The following DDX60L variants were observed in gnomAD, a reference collection of about 807,000 sequenced individuals.
The protein encoded by DDX60L is probable ATP-dependent RNA helicase DDX60-like.
A neutral mutation model predicts 211.6 loss-of-function variants in DDX60L; 191 were observed. The ratio of observed to expected loss-of-function variants is 0.90; its 90% CI spans 0.80 to 1.02. DDX60L has a LOEUF of 1.02. Ranked by LOEUF, DDX60L falls within the 50% of genes least tolerant of loss-of-function variation. The probability of loss-of-function intolerance (pLI) is 0.00; values close to 1 mark genes in which losing one functional copy is unlikely to be tolerated. For missense variants in DDX60L, 2,007 were observed against 1,984.1 expected, an observed-to-expected ratio of 1.01 and a Z score of -0.22; for synonymous variants, 706 against 694.1, an observed-to-expected ratio of 1.02 and a Z score of -0.27.
intron 4 of DDX60L, among the ~76,000 whole-genome samples, chr4:168,467,972 G>A (rs1579857646): frequency 6.6e-6 from 1 of 152,204 alleles, no homozygotes; most frequent in Middle Eastern, 3.4e-3. Flanking sequence ...TTCAAGACCA[G>A]CCTGACCAAC....
intron 36 of DDX60L, among the ~76,000 whole-genome samples, chr4:168,364,271 C>T (rs1453739391): frequency 6.6e-6 from 1 of 152,064 alleles, no homozygotes; most frequent in Non-Finnish European, 1.5e-5. Context: ...ATACTTATAT[C>T]AGATAAAATG....
intron 16 of DDX60L, among the ~76,000 whole-genome samples, chr4:168,422,282 A>C (rs1750754902): frequency 6.6e-6 from 1 of 152,248 alleles, no homozygotes; most frequent in East Asian, 1.9e-4. Flanking sequence ...GTAATGCCAC[A>C]TTAGCATGCC....
At chr4:168,409,726 A>T (rs893864695) in intron 22 of DDX60L, among the ~76,000 whole-genome samples, 1 of 152,190 alleles carries the variant, frequency 6.6e-6, no homozygotes, top group Non-Finnish European at 1.5e-5. Context: ...TTTCCATTTA[A>T]TTCCTTACTC....
intron 4 of DDX60L, among the ~76,000 whole-genome samples, chr4:168,468,301 A>G (rs1758293766): frequency 6.6e-6 from 1 of 152,196 alleles, no homozygotes; most frequent in Non-Finnish European, 1.5e-5. Context: ...TATCATGACC[A>G]ACTAAGGTTT....
chr4:168,393,583 A>G (rs1745236597), intron 28 of DDX60L, among the ~76,000 whole-genome samples: 1 of 152,190 alleles, frequency 6.6e-6, no homozygotes, highest in South Asian at 2.1e-4. Flanking sequence ...CCACCTAGAA[A>G]TAGAATATTG....
intron 4 of DDX60L, among the ~76,000 whole-genome samples, chr4:168,465,701 T>G (rs942512606): frequency 2.6e-5 from 4 of 152,184 alleles, no homozygotes; most frequent in Admixed American, 2.0e-4. Flanking sequence ...CAGTTTCATT[T>G]TCCTGCATAT....
intron 36 of DDX60L, among the ~76,000 whole-genome samples, chr4:168,365,311 A>T (rs1184874370): frequency 6.6e-6 from 1 of 152,046 alleles, no homozygotes; most frequent in Non-Finnish European, 1.5e-5. Context: ...GACTAAAATA[A>T]ATAAAATTAG....
Position 168,448,859 on chromosome 4 carries a change from G to A in DDX60L, c.997-80C>T, listed in dbSNP as rs1032234989. ...TCCTGGTTAACCCCCTATAAGGTAG[G>A]TCACAAGGGACATTTCTGGGTGGAA... On this transcript the variant is annotated intron_variant, in intron 8 of 37. Coordinates refer to ENST00000682922, the MANE Select transcript of DDX60L (RefSeq NM_001012967.3). The A allele has an allele frequency of 5.8e-5, 75 of 1,289,866 alleles. No homozygotes were observed. In the Middle Eastern group the frequency reaches 1.2e-3, roughly 20 times the overall value. 79.9% of individuals were successfully genotyped at this position (1,289,866 alleles called of 1,614,324 possible).
At chr4:168,396,464 T>C (rs4565044) in intron 26 of DDX60L, among the ~76,000 whole-genome samples, 34,442 of 151,742 alleles carry the variant, frequency 0.23, 4,052 homozygotes, top group Middle Eastern at 0.33. Context: ...GGGGGCGGGG[T>C]GTGTGGCACA....
At chr4:168,392,953 T>G (rs1745108245) in intron 28 of DDX60L, among the ~76,000 whole-genome samples, 1 of 152,110 alleles carries the variant, frequency 6.6e-6, no homozygotes, top group African/African-American at 2.4e-5. Context: ...ATTTACTCAC[T>G]CATTAACTTT....
At chr4:168,413,874 A>G (rs962519223) in intron 22 of DDX60L, among the ~76,000 whole-genome samples, 4 of 152,156 alleles carry the variant, frequency 2.6e-5, no homozygotes, top group South Asian at 4.1e-4. Flanking sequence ...CAATACTCAT[A>G]TACAAGAAGA....
At chr4:168,416,290 T>C (rs955072094) in intron 20 of DDX60L, among the ~76,000 whole-genome samples, 22 of 152,358 alleles carry the variant, frequency 1.4e-4, no homozygotes, top group African/African-American at 5.3e-4. Context: ...CAATTCTCTC[T>C]CTTACTTCAG....
Position 168,433,165 on chromosome 4 carries a change from T to C in DDX60L, c.1295-50A>G, listed in dbSNP as rs772654016. 4.1e-6 allele frequency: 5 copies of C among 1,220,338 alleles called. No individual in the cohort carries two copies. In the South Asian group the frequency reaches 4.4e-5, roughly 11 times the overall value. 75.6% of individuals were successfully genotyped at this position (1,220,338 alleles called of 1,614,324 possible). On this transcript the variant is annotated intron_variant, in intron 10 of 37. Coordinates refer to ENST00000682922, the MANE Select transcript of DDX60L (RefSeq NM_001012967.3). The stretch of plus-strand genomic sequence containing the variant: ...TGAGAGGAAAGGTGTAACTATCCTA[T>C]ATGAATTTTGAACATTATTTTTAAA...
chr4:168,427,055 T>C lies in DDX60L; in HGVS notation c.1930+15A>G. The C allele has an allele frequency of 6.3e-7, 1 of 1,592,366 alleles. No individual in the cohort carries two copies. Among genetic ancestry groups the C allele is most frequent in the Non-Finnish European group, 8.6e-7 (1 of 1,167,530 alleles). ...TCATCACTACTCTTTATCCATAGAG[T>C]ATGGAGTCCCATACCTTCACCTCGG... On this transcript the variant is annotated intron_variant, in intron 14 of 37. Coordinates refer to ENST00000682922, the MANE Select transcript of DDX60L (RefSeq NM_001012967.3).
intron 14 of DDX60L, among the ~76,000 whole-genome samples, chr4:168,425,303 C>G (rs1306189780): frequency 6.6e-6 from 1 of 152,212 alleles, no homozygotes. Flanking sequence ...TAGTCTCTGA[C>G]AGCCCACTGA....
rs184095589 is a variant in DDX60L at position 168,407,640 on chromosome 4, A to T, written c.2980-934T>A. ...AGGGACAGGATATCACACTTCTCCC[A>T]AATATACTTGAGGAAGGAACCCTTC... On this transcript the variant is annotated intron_variant, in intron 22 of 37. Coordinates refer to ENST00000682922, the MANE Select transcript of DDX60L (RefSeq NM_001012967.3). Among the ~76,000 whole-genome samples, 481 of 152,310 alleles carry T rather than the reference A, an allele frequency of 3.2e-3. 2 individuals are homozygous for T. Among genetic ancestry groups the T allele is most frequent in the Admixed American group, 5.0e-3 (76 of 15,300 alleles).
In DDX60L at chr4:168,422,675, T is replaced by C. The variant is rs1225138652; in HGVS notation, c.2098-5A>G. The C allele has an allele frequency of 1.3e-6, 2 of 1,537,992 alleles. No homozygotes were observed. The highest frequency in any genetic ancestry group is 1.8e-6 in the Non-Finnish European group (2 of 1,137,500). ...CTTATTTTTGTCATCTCCTATCTGT[T>C]ATTTTAATATATTATTTGAAATCAA... On this transcript the variant is annotated splice_polypyrimidine_tract_variant and splice_region_variant and intron_variant, in intron 15 of 37. Transcript: ENST00000682922.
chr4:168,384,898 T>C, intron 29 of DDX60L, 86 bp from the exon 30 acceptor site: 1 of 1,314,020 alleles, frequency 7.6e-7, no homozygotes, highest in Non-Finnish European at 1.1e-6. Context: ...ACACTTGTTA[T>C]CCGGGATTGT....
intron 14 of DDX60L, among the ~76,000 whole-genome samples, chr4:168,426,585 C>G (rs1421369002): frequency 1.3e-5 from 2 of 152,230 alleles, no homozygotes; most frequent in Non-Finnish European, 2.9e-5. Context: ...CCTTCCAAGC[C>G]TGTTCACTAT....
Sources: allele counts gnomAD v4.1 joint callset (sites outside exome capture counted in the v4.1 genomes callset), GRCh38; gene constraint gnomAD v4.1.1; transcripts MANE v1.5; gene names NCBI Gene and HGNC (gene_info 2026-07-23, HGNC 2026-07-21).